MFAP3: variants seen among roughly 807,000 people sequenced by gnomAD.
MFAP3 encodes the protein microfibril-associated glycoprotein 3.
In MFAP3, 8 loss-of-function variants were observed where a neutral mutation model predicts 20.5. The ratio of observed to expected loss-of-function variants is 0.39; its 90% CI spans 0.23 to 0.70. The LOEUF (loss-of-function observed/expected upper bound fraction) is 0.70, where lower values mean the gene tolerates loss of function less well. Among genes scored for constraint, MFAP3 ranks in the 30% least tolerant of loss-of-function variants. MFAP3 has a pLI of 0.44. For missense variants in MFAP3, 398 were observed against 444.6 expected, an observed-to-expected ratio of 0.90 and a Z score of 0.94; for synonymous variants, 140 against 154.0, an observed-to-expected ratio of 0.91 and a Z score of 0.67.
intron 1 of MFAP3, among the ~76,000 whole-genome samples, chr5:154,043,828 C>G (rs997891582): frequency 9.9e-5 from 15 of 151,774 alleles, no homozygotes; most frequent in African/African-American, 3.4e-4. Context: ...GCCCACTTAA[C>G]TGATTTGGTG....
At chr5:154,047,314 C>A (rs1451237801) in intron 1 of MFAP3, among the ~76,000 whole-genome samples, 1 of 152,164 alleles carries the variant, frequency 6.6e-6, no homozygotes, top group African/African-American at 2.4e-5. Context: ...ATCTGCCAGA[C>A]TGAACTTCGT....
Position 154,049,560 on chromosome 5 carries a change from C to G in MFAP3, c.-163C>G, listed in dbSNP as rs1217397644. 2 of 683,890 alleles carry G rather than the reference C, an allele frequency of 2.9e-6. No individual in the cohort carries two copies. Among genetic ancestry groups the G allele is most frequent in the African/African-American group, 3.6e-5 (2 of 54,992 alleles). 42.4% of individuals were successfully genotyped at this position (683,890 alleles called of 1,614,324 possible). A position where few individuals can be genotyped will look rare whatever the true frequency, so the allele number is the denominator to read the frequency against. ...TTTGTATCTGGCTTTCTTTTAGGTT[C>G]TCTACTCACATCTTTTAATCTTGAA... On this transcript the variant is annotated 5_prime_UTR_variant, in exon 2 of 3. Coordinates refer to ENST00000522782, the MANE Select transcript of MFAP3 (RefSeq NM_005927.5).
At chr5:154,041,043 C>T (rs1312790389) in intron 1 of MFAP3, among the ~76,000 whole-genome samples, 1 of 151,830 alleles carries the variant, frequency 6.6e-6, no homozygotes, top group Non-Finnish European at 1.5e-5. Context: ...CATAAGCTTA[C>T]AGTCTTTTGA....
chr5:154,047,940 A>G (rs1182400800), intron 1 of MFAP3, among the ~76,000 whole-genome samples: 1 of 152,178 alleles, frequency 6.6e-6, no homozygotes, highest in Admixed American at 6.5e-5. Flanking sequence ...ATGTCCTCCA[A>G]TTGCTGTATA....
chr5:154,050,020 A>G lies in MFAP3; in HGVS notation c.295+3A>G. 1.2e-6 allele frequency: 2 copies of G among 1,600,712 alleles called. No homozygotes were observed. Among genetic ancestry groups the G allele is most frequent in the African/African-American group, 1.3e-5 (1 of 74,706 alleles). On this transcript the variant is annotated splice_donor_region_variant and intron_variant, in intron 2 of 2. Coordinates refer to ENST00000522782, the MANE Select transcript of MFAP3 (RefSeq NM_005927.5). ...GCAACTGGATGGCAGAAGCAGAGGTAATTGGTCAGGGTATAATTAATCAAG... is the reference window on the plus strand; with the variant it reads ...GCAACTGGATGGCAGAAGCAGAGGTGATTGGTCAGGGTATAATTAATCAAG...
intron 1 of MFAP3, among the ~76,000 whole-genome samples, chr5:154,043,938 G>T (rs1480881593): frequency 6.6e-6 from 1 of 152,142 alleles, no homozygotes; most frequent in Non-Finnish European, 1.5e-5. Flanking sequence ...TTCAAAGCAT[G>T]CAGGCCTAAT....
In MFAP3 at chr5:154,054,537, G is replaced by A. The variant is rs1773284902; in HGVS notation, c.*824G>A. ...GAGCAGTTTATTTCTAAGGTATAAC[G>A]TCTTTGATGCTTTTAGAATAAGAAC... On this transcript the variant is annotated 3_prime_UTR_variant, in exon 3 of 3. Transcript: ENST00000522782. The A allele has an allele frequency of 1.2e-5, 2 of 166,916 alleles. No homozygotes were observed. The highest frequency in any genetic ancestry group is 2.4e-5 in the African/African-American group (1 of 41,436). 10.3% of individuals were successfully genotyped at this position (166,916 alleles called of 1,614,324 possible). A position where few individuals can be genotyped will look rare whatever the true frequency, so the allele number is the denominator to read the frequency against.
At chr5:154,044,315 G>A (rs977442464) in intron 1 of MFAP3, among the ~76,000 whole-genome samples, 3 of 152,220 alleles carry the variant, frequency 2.0e-5, no homozygotes, top group African/African-American at 4.8e-5. Context: ...GACTTAGTGT[G>A]AGGAAATAAT....
chr5:154,051,227 T>C (rs957518811), intron 2 of MFAP3, among the ~76,000 whole-genome samples: 15 of 152,206 alleles, frequency 9.9e-5, no homozygotes, highest in African/African-American at 3.4e-4. Context: ...ACTCCTATCT[T>C]CTCTGGGCTC....
chr5:154,045,742 A>C (rs1004100161), intron 1 of MFAP3, among the ~76,000 whole-genome samples: 17 of 152,180 alleles, frequency 1.1e-4, no homozygotes, highest in Admixed American at 9.8e-4. Context: ...TAAAAGTTGC[A>C]AGGCTGGTTA....
intron 1 of MFAP3, among the ~76,000 whole-genome samples, chr5:154,045,590 T>G (rs1052231346): frequency 6.6e-6 from 1 of 152,182 alleles, no homozygotes; most frequent in Non-Finnish European, 1.5e-5. Flanking sequence ...ATAATAGAGC[T>G]TATTCAGTGA....
intron 2 of MFAP3, 64 bp from the exon 3 acceptor site, chr5:154,052,856 G>A: frequency 3.7e-6 from 5 of 1,351,698 alleles, no homozygotes; most frequent in Non-Finnish European, 5.2e-6. Flanking sequence ...ATATGGATAA[G>A]GCAGCGGGCA....
At chr5:154,042,811 A>G (rs1194187513) in intron 1 of MFAP3, among the ~76,000 whole-genome samples, 1 of 147,388 alleles carries the variant, frequency 6.8e-6, no homozygotes, top group East Asian at 2.1e-4. Context: ...TGAAGCACTA[A>G]TATCCCAATA....
At chr5:154,041,945 T>C (rs1772963256) in intron 1 of MFAP3, among the ~76,000 whole-genome samples, 1 of 152,262 alleles carries the variant, frequency 6.6e-6, no homozygotes, top group African/African-American at 2.4e-5. Flanking sequence ...TTACTGTTAA[T>C]ATTATTTTAT....
chr5:154,049,494 A>G, intron 1 of MFAP3, 63 bp from the exon 2 acceptor site: 3 of 517,422 alleles, frequency 5.8e-6, no homozygotes, highest in Non-Finnish European at 1.0e-5. Context: ...ATTCTGGAAC[A>G]TACGCACTTT....
At chr5:154,043,081 TA>T (rs1772995748) in intron 1 of MFAP3, among the ~76,000 whole-genome samples, 1 of 152,194 alleles carries the variant, frequency 6.6e-6, no homozygotes, top group Non-Finnish European at 1.5e-5. Context: ...TTCTCTTTTT[TA>T]AAAATAATAT....
In MFAP3 at chr5:154,047,126, A is replaced by G. The variant is rs528871933; in HGVS notation, c.-166-2431A>G. On this transcript the variant is annotated intron_variant, in intron 1 of 2. Coordinates refer to ENST00000522782, the MANE Select transcript of MFAP3 (RefSeq NM_005927.5). ...CTCTACCTTGAGTGCTTTCCTCCCA[A>G]TTTTTATTCCTCTTTATTCTTCAGG... Among the ~76,000 whole-genome samples, 63 of 151,688 alleles carry G rather than the reference A, an allele frequency of 4.2e-4. 1 individual carries two copies. The highest frequency in any genetic ancestry group is 3.7e-3 in the Admixed American group (57 of 15,252).
At chr5:154,044,727 TTTGC>T (rs1316568543) in intron 1 of MFAP3, among the ~76,000 whole-genome samples, 14 of 152,148 alleles carry the variant, frequency 9.2e-5, no homozygotes, top group African/African-American at 3.4e-4. Context: ...ACATGGGCAG[TTTGC>T]TTGCCACACT....
chr5:154,046,207 G>A (rs182097755), intron 1 of MFAP3, among the ~76,000 whole-genome samples: 3 of 152,240 alleles, frequency 2.0e-5, no homozygotes, highest in Non-Finnish European at 2.9e-5. Context: ...GTTGGGAGTC[G>A]GAAGAATGCA....
Sources: allele counts gnomAD v4.1 joint callset (sites outside exome capture counted in the v4.1 genomes callset), GRCh38; gene constraint gnomAD v4.1.1; transcripts MANE v1.5; gene names NCBI Gene and HGNC (gene_info 2026-07-23, HGNC 2026-07-21).